Variants in CCDC6 observed in about 807,000 individuals in gnomAD.
CCDC6 encodes coiled-coil domain containing 6, also known as coiled-coil domain-containing protein 6.
Under a neutral mutation model 56.6 loss-of-function variants are expected in CCDC6, and 20 were observed. The observed-to-expected ratio is 0.35, with a 90% CI of 0.25 to 0.51. CCDC6 has a LOEUF of 0.51. Among genes scored for constraint, CCDC6 ranks in the 20% least tolerant of loss-of-function variants. The pLI, the probability that CCDC6 is intolerant of heterozygous loss-of-function variation, is 0.95. For missense variants in CCDC6, 367 were observed against 601.1 expected, an observed-to-expected ratio of 0.61 and a Z score of 4.07; for synonymous variants, 241 against 234.4, an observed-to-expected ratio of 1.03 and a Z score of -0.26.
rs2070465425 is a variant in CCDC6, at chr10:59,791,326, T to C, written c.*1591A>G. ...ATTGTTGCTTTTACTCTCAAGTTCT[T>C]AAAACGCTAGTCAAACACTATTATC... On this transcript the variant is annotated 3_prime_UTR_variant, in exon 9 of 9. Coordinates refer to ENST00000263102, the MANE Select transcript of CCDC6 (RefSeq NM_005436.5). 5.0e-6 allele frequency: 1 copy of C among 201,012 alleles called. No homozygotes were observed. Among genetic ancestry groups the C allele is most frequent in the South Asian group, 1.9e-4 (1 of 5,214 alleles). The allele number at this position is 201,012 out of a possible 1,614,324, so 12.5% of individuals were successfully genotyped here. A position where few individuals can be genotyped will look rare whatever the true frequency, so the allele number is the denominator to read the frequency against.
At chr10:59,859,177 GA>G (rs1027583149) in intron 1 of CCDC6, among the ~76,000 whole-genome samples, 4 of 144,132 alleles carry the variant, frequency 2.8e-5, no homozygotes, top group Admixed American at 7.1e-5. Context: ...AAGGTTTCTG[GA>G]AAAAAAAATA....
At chr10:59,879,759 TCC>T (rs2071317254) in intron 1 of CCDC6, among the ~76,000 whole-genome samples, 1 of 152,088 alleles carries the variant, frequency 6.6e-6, no homozygotes, top group South Asian at 2.1e-4. Flanking sequence ...CATCAACCCT[TCC>T]CAATATTACT....
chr10:59,834,095 G>A (rs1238630110), intron 2 of CCDC6, among the ~76,000 whole-genome samples: 5 of 152,124 alleles, frequency 3.3e-5, no homozygotes, highest in African/African-American at 7.2e-5. Flanking sequence ...GGGATGCAAC[G>A]TTTCTTTGTA....
chr10:59,851,131 G>GAAA (rs372606692), intron 2 of CCDC6, among the ~76,000 whole-genome samples: 26 of 46,748 alleles, frequency 5.6e-4, no homozygotes, highest in Admixed American at 9.2e-4. Context: ...CATGTAAATT[G>GAAA]AAAAAAAAAA....
At chr10:59,809,423 T>C (rs2132629503) in intron 5 of CCDC6, among the ~76,000 whole-genome samples, 1 of 152,338 alleles carries the variant, frequency 6.6e-6, no homozygotes, top group Admixed American at 6.5e-5. Context: ...AGTGATCGGC[T>C]GGGAAGACTT....
chr10:59,794,306 A>C (rs2070494351), intron 8 of CCDC6, among the ~76,000 whole-genome samples, 167 bp downstream of exon 8: 1 of 152,218 alleles, frequency 6.6e-6, no homozygotes, highest in Non-Finnish European at 1.5e-5. Context: ...TAGTTTCAAT[A>C]CCAGAATTTG....
intron 2 of CCDC6, among the ~76,000 whole-genome samples, chr10:59,841,870 C>T (rs749147477): frequency 5.3e-5 from 8 of 151,426 alleles, no homozygotes; most frequent in Non-Finnish European, 8.8e-5. Context: ...GGTTTCACCA[C>T]GTTAGCCAGG....
At chr10:59,799,710 T>C (rs1564737029) in intron 7 of CCDC6, among the ~76,000 whole-genome samples, 1 of 152,162 alleles carries the variant, frequency 6.6e-6, no homozygotes, top group Non-Finnish European at 1.5e-5. Flanking sequence ...CTGCTCCCAG[T>C]GCCAATCAGC....
At chr10:59,813,124 C>T (rs143497168) in intron 4 of CCDC6, among the ~76,000 whole-genome samples, 173 of 152,320 alleles carry the variant, frequency 1.1e-3, no homozygotes, top group African/African-American at 3.5e-3. Context: ...TACCTGCTGA[C>T]TCAATGTTCA....
intron 1 of CCDC6, among the ~76,000 whole-genome samples, chr10:59,871,804 T>C (rs1039384073): frequency 5.3e-5 from 8 of 152,212 alleles, no homozygotes; most frequent in African/African-American, 1.9e-4. Flanking sequence ...CACGCTGCTT[T>C]GAACAAAAAT....
rs2071543930 is a variant in CCDC6, at chr10:59,906,116, A to T, written c.303+6T>A. Reference sequence around the variant, plus strand: ...GCGCTGCGGCGCGTCCCCGGGGGGCACTCACGATGGTCACGCTGGCTTTGC... The same window carrying T: ...GCGCTGCGGCGCGTCCCCGGGGGGCTCTCACGATGGTCACGCTGGCTTTGC... On this transcript the variant is annotated splice_donor_region_variant and intron_variant, in intron 1 of 8. Transcript: ENST00000263102. 6.3e-7 allele frequency: 1 copy of T among 1,580,524 alleles called. No homozygotes were observed. Among genetic ancestry groups the T allele is most frequent in the Non-Finnish European group, 8.6e-7 (1 of 1,160,410 alleles).
At position 59,800,272 on chromosome 10, in the gene CCDC6, C is replaced by G. The variant is rs535767683; in HGVS notation, c.1105+4148G>C. On this transcript the variant is annotated intron_variant, in intron 7 of 8. Coordinates refer to ENST00000263102, the MANE Select transcript of CCDC6 (RefSeq NM_005436.5). ...TTTCATCAGCTTCCATGTGTGCTCTCTGTGTGCCTATGCATGTGTACAGCT... is the reference window on the plus strand; with the variant it reads ...TTTCATCAGCTTCCATGTGTGCTCTGTGTGTGCCTATGCATGTGTACAGCT... Among the ~76,000 whole-genome samples the G allele has an allele frequency of 6.3e-4, 96 of 152,344 alleles. 1 individual carries two copies. The highest frequency in any genetic ancestry group is 2.2e-3 in the African/African-American group (93 of 41,588).
intron 2 of CCDC6, among the ~76,000 whole-genome samples, chr10:59,845,106 G>A (rs1395180608): frequency 1.3e-5 from 2 of 152,158 alleles, no homozygotes; most frequent in Non-Finnish European, 2.9e-5. Flanking sequence ...GATAGCTAGG[G>A]TCCATCGATA....
chr10:59,835,858 G>A (rs1280509774), intron 2 of CCDC6, among the ~76,000 whole-genome samples: 6 of 151,990 alleles, frequency 3.9e-5, no homozygotes, highest in Admixed American at 2.0e-4. Context: ...CAGAGTTTGC[G>A]ACCAGCCTAG....
intron 1 of CCDC6, among the ~76,000 whole-genome samples, chr10:59,903,536 A>G (rs1375008263): frequency 6.6e-6 from 1 of 152,166 alleles, no homozygotes; most frequent in Non-Finnish European, 1.5e-5. Context: ...CAAAAAGGCA[A>G]TGTGTCTTCC....
Position 59,832,613 on chromosome 10 carries a change from T to C in CCDC6, c.494A>G (p.Gln165Arg). 6.2e-7 allele frequency: 1 copy of C among 1,613,866 alleles called. No individual in the cohort carries two copies. The highest frequency in any genetic ancestry group is 1.1e-5 in the South Asian group (1 of 91,044). The change falls in exon 3 of 9, where the codon CAA (glutamine) becomes CGA (arginine). Residue 165 changes from glutamine (Q) to arginine (R), a missense_variant. Coordinates refer to ENST00000263102, the MANE Select transcript of CCDC6 (RefSeq NM_005436.5). ...TTTGTTGACCTGAAATTCCTGCTCTTGTTCAAGATGCTGTTCTAGTTCGGC... is the reference window on the plus strand; with the variant it reads ...TTTGTTGACCTGAAATTCCTGCTCTCGTTCAAGATGCTGTTCTAGTTCGGC... Reference protein sequence around the residue: ...EKAELEQHLEQEQEFQVNKLM... With the variant: ...EKAELEQHLEREQEFQVNKLM...
chr10:59,851,713 TTGA>T (rs753504851), intron 2 of CCDC6, among the ~76,000 whole-genome samples: 22 of 152,202 alleles, frequency 1.4e-4, no homozygotes, highest in Admixed American at 3.9e-4. Flanking sequence ...GAAATTGTTA[TTGA>T]TGATGTTAAA....
rs577733091 is a variant in CCDC6 at position 59,847,243 on chromosome 10, C to T, written c.453+5310G>A. On this transcript the variant is annotated intron_variant, in intron 2 of 8. Coordinates refer to ENST00000263102, the MANE Select transcript of CCDC6 (RefSeq NM_005436.5). ...GATTTTTTTGTATTTTTAGTAGAGA[C>T]AGGGTTTCACTATGTTAGCCAGGAT... Among the ~76,000 whole-genome samples the T allele has an allele frequency of 4.6e-5, 7 of 151,572 alleles. No homozygotes were observed. The East Asian group carries it at 1.2e-3, about 25-fold the overall frequency.
intron 3 of CCDC6, among the ~76,000 whole-genome samples, chr10:59,826,203 ACCT>A (rs1337207219): frequency 2.0e-5 from 3 of 152,054 alleles, no homozygotes; most frequent in Admixed American, 6.6e-5. Context: ...AGATACCAAA[ACCT>A]CCTCTTACTC....
Sources: allele counts gnomAD v4.1 joint callset (sites outside exome capture counted in the v4.1 genomes callset), GRCh38; gene constraint gnomAD v4.1.1; transcripts MANE v1.5; gene names NCBI Gene and HGNC (gene_info 2026-07-23, HGNC 2026-07-21).